The following TSHZ1 variants were observed in gnomAD, a reference collection of about 807,000 sequenced individuals.
TSHZ1 encodes the protein teashirt homolog 1.
TSHZ1 carries 12 observed loss-of-function variants against 67.1 expected under a neutral mutation model. That is an observed-to-expected ratio of 0.18 (90% CI 0.11 to 0.29). TSHZ1 has a LOEUF of 0.29. Among genes scored for constraint, TSHZ1 ranks in the 10% least tolerant of loss-of-function variants. TSHZ1 has a pLI of 1.00. For synonymous variants in TSHZ1, 632 were observed against 622.4 expected (o/e 1.02, Z -0.23); for missense variants, 1,305 against 1,413.9 (o/e 0.92, Z 1.23).
At chr18:75,278,993 C>T (rs1402886803) in intron 1 of TSHZ1, among the ~76,000 whole-genome samples, 1 of 152,106 alleles carries the variant, frequency 6.6e-6, no homozygotes, top group Non-Finnish European at 1.5e-5. Context: ...CTGTGGCTGT[C>T]CCAAAGACCG....
rs911532441 is a variant in TSHZ1, at chr18:75,289,588, A to G, written c.*947A>G. 1 of 167,108 alleles carries G rather than the reference A, an allele frequency of 6.0e-6. No individual in the cohort carries two copies. The allele number at this position is 167,108 out of a possible 1,614,324, so 10.4% of individuals were successfully genotyped here. A position where few individuals can be genotyped will look rare whatever the true frequency, so the allele number is the denominator to read the frequency against. ...GTATGTTACATATCGTACCATTTTA[A>G]TCTCTTCAACTTTCTTTGTACCTTC... is the stretch of plus-strand genomic sequence containing the variant. On this transcript the variant is annotated 3_prime_UTR_variant, in exon 2 of 2. Coordinates refer to ENST00000580243, the MANE Select transcript of TSHZ1 (RefSeq NM_001308210.2).
Position 75,286,364 on chromosome 18 carries a change from G to A in TSHZ1, c.957G>A (p.Leu319=). 6.2e-7 allele frequency: 1 copy of A among 1,614,176 alleles called. No individual in the cohort carries two copies. Among genetic ancestry groups the A allele is most frequent in the South Asian group, 1.1e-5 (1 of 91,082 alleles). Residue 319 remains leucine (L), a synonymous_variant, in exon 2 of 2, where the codon TTG becomes TTA. Coordinates refer to ENST00000580243, the MANE Select transcript of TSHZ1 (RefSeq NM_001308210.2). The surrounding 1 kb of genome is among the most constrained non-coding windows in gnomAD (Gnocchi z 5.1). ...ACTGTGGACACTCCTTTGAGTCCTT[G>A]CAGGACCTCAGCGTCCACATGATCA... ...CMYCGHSFES[L]QDLSVHMIKT...
rs752442223 is a variant in TSHZ1 at position 75,288,746 on chromosome 18, G to A, written c.*105G>A. On this transcript the variant is annotated 3_prime_UTR_variant, in exon 2 of 2. Transcript: ENST00000580243. The surrounding 1 kb of genome is among the most constrained non-coding windows in gnomAD (Gnocchi z 4.9). Reference sequence around the variant, plus strand: ...TCAGTCTTTCCTTTGTTGCTGGCCCGCCTCTCTGGACCTTGGTTTTCTTAC... The same window carrying A: ...TCAGTCTTTCCTTTGTTGCTGGCCCACCTCTCTGGACCTTGGTTTTCTTAC... 1.4e-4 allele frequency: 210 copies of A among 1,490,648 alleles called. 1 individual carries two copies. Among genetic ancestry groups the A allele is most frequent in the East Asian group, 4.4e-4 (19 of 43,038 alleles). 92.3% of individuals were successfully genotyped at this position (1,490,648 alleles called of 1,614,324 possible). A position where few individuals can be genotyped will look rare whatever the true frequency, so the allele number is the denominator to read the frequency against.
At chr18:75,276,076 C>T (rs1351663003) in intron 1 of TSHZ1, among the ~76,000 whole-genome samples, 1 of 152,188 alleles carries the variant, frequency 6.6e-6, no homozygotes, top group Non-Finnish European at 1.5e-5. Context: ...AAAAGATTAA[C>T]ACCTAAAGTG....
intron 1 of TSHZ1, among the ~76,000 whole-genome samples, chr18:75,231,127 C>G (rs949860275): frequency 6.6e-6 from 1 of 152,148 alleles, no homozygotes; most frequent in Non-Finnish European, 1.5e-5. Context: ...GGGAACTGTG[C>G]GTGGGCCTGA....
chr18:75,275,529 A>G (rs1222603619), intron 1 of TSHZ1, among the ~76,000 whole-genome samples: 2 of 152,164 alleles, frequency 1.3e-5, no homozygotes, highest in Admixed American at 1.3e-4. Flanking sequence ...GAGGTATGCC[A>G]TGCATAAGTC....
At chr18:75,214,036 C>G (rs8097302) in intron 1 of TSHZ1, among the ~76,000 whole-genome samples, 2,200 of 152,286 alleles carry the variant, frequency 0.014, 67 homozygotes, top group African/African-American at 0.05. Context: ...AAAATAGATT[C>G]CATACTAGAA....
At chr18:75,236,704 A>G (rs901265530) in intron 1 of TSHZ1, among the ~76,000 whole-genome samples, 2 of 152,126 alleles carry the variant, frequency 1.3e-5, no homozygotes, top group African/African-American at 4.8e-5. Flanking sequence ...ATAGGCGCTC[A>G]CTAAGTATTT....
At chr18:75,278,342 C>T (rs2023640642) in intron 1 of TSHZ1, among the ~76,000 whole-genome samples, 1 of 152,212 alleles carries the variant, frequency 6.6e-6, no homozygotes, top group Non-Finnish European at 1.5e-5. Context: ...GCACTCCTTC[C>T]TTGCCTAGTA....
chr18:75,249,475 C>CT (rs1209298909), intron 1 of TSHZ1, among the ~76,000 whole-genome samples: 2 of 104,950 alleles, frequency 1.9e-5, no homozygotes, highest in Admixed American at 9.2e-5. Flanking sequence ...ATGGGGGTGG[C>CT]TTTGGTAGGG....
chr18:75,228,742 A>G (rs757791216), intron 1 of TSHZ1, among the ~76,000 whole-genome samples: 23 of 152,222 alleles, frequency 1.5e-4, no homozygotes, highest in Non-Finnish European at 2.8e-4. Flanking sequence ...TGGTGTATCC[A>G]AAGTTGAACC....
chr18:75,221,854 C>T (rs2022849401), intron 1 of TSHZ1, among the ~76,000 whole-genome samples: 1 of 152,160 alleles, frequency 6.6e-6, no homozygotes, highest in Non-Finnish European at 1.5e-5. Flanking sequence ...AACAACACCT[C>T]AGCATTACTG....
At chr18:75,229,568 A>G (rs2022970636) in intron 1 of TSHZ1, among the ~76,000 whole-genome samples, 1 of 152,222 alleles carries the variant, frequency 6.6e-6, no homozygotes, top group Non-Finnish European at 1.5e-5. Flanking sequence ...GCTCATAGTC[A>G]GAGCTCCCGG....
In TSHZ1 at chr18:75,289,579, AC is replaced by A. The variant is rs1283908968; in HGVS notation, c.*940del. ...AAAACTCCTGTATGTTACATATCGT[AC>A]CATTTTAATCTCTTCAACTTTCTTT... On this transcript the variant is annotated 3_prime_UTR_variant, in exon 2 of 2. Transcript: ENST00000580243. The A allele has an allele frequency of 1.8e-5, 3 of 167,050 alleles. No individual in the cohort carries two copies. Among genetic ancestry groups the A allele is most frequent in the Non-Finnish European group, 2.9e-5 (2 of 68,120 alleles). 10.3% of individuals were successfully genotyped at this position (167,050 alleles called of 1,614,324 possible).
chr18:75,280,343 T>C (rs1599056264), intron 1 of TSHZ1, among the ~76,000 whole-genome samples: 1 of 152,272 alleles, frequency 6.6e-6, no homozygotes, highest in South Asian at 2.1e-4. Context: ...AGAGCATCAA[T>C]GTTTTAACAT....
At position 75,273,581 on chromosome 18, in the gene TSHZ1, C is replaced by A. The variant is rs1479148613; in HGVS notation, c.41-11867C>A. On this transcript the variant is annotated intron_variant, in intron 1 of 1. Coordinates refer to ENST00000580243, the MANE Select transcript of TSHZ1 (RefSeq NM_001308210.2). Reference sequence around the variant, plus strand: ...ATGATGTTTGTGCCTCATATAATTACAATTTGAGATGAAAATGTTTTTCAG... The same window carrying A: ...ATGATGTTTGTGCCTCATATAATTAAAATTTGAGATGAAAATGTTTTTCAG... Among the ~76,000 whole-genome samples, 39 of 152,188 alleles carry A rather than the reference C, an allele frequency of 2.6e-4. 1 individual carries two copies.
intron 1 of TSHZ1, among the ~76,000 whole-genome samples, chr18:75,221,877 A>G (rs1029036451): frequency 6.6e-6 from 1 of 152,190 alleles, no homozygotes; most frequent in African/African-American, 2.4e-5. Context: ...CTGTGCACAA[A>G]TCTCCTTGAA....
chr18:75,230,535 G>A (rs1320098957), intron 1 of TSHZ1, among the ~76,000 whole-genome samples: 1 of 152,144 alleles, frequency 6.6e-6, no homozygotes, highest in African/African-American at 2.4e-5. Flanking sequence ...TTCTTGGAGA[G>A]TTTGAATGAG....
intron 1 of TSHZ1, among the ~76,000 whole-genome samples, chr18:75,239,733 G>A (rs1038402259): frequency 1.4e-4 from 22 of 152,154 alleles, no homozygotes; most frequent in Non-Finnish European, 2.4e-4. Flanking sequence ...CAAACTCCTG[G>A]CCTCAAGCCA....
Sources: allele counts gnomAD v4.1 joint callset (sites outside exome capture counted in the v4.1 genomes callset), GRCh38; gene constraint gnomAD v4.1.1; non-coding constraint Gnocchi (gnomAD v3.1); transcripts MANE v1.5; gene names NCBI Gene and HGNC (gene_info 2026-07-23, HGNC 2026-07-21).